Variants in BNC2 observed in about 807,000 individuals in gnomAD.
The protein encoded by BNC2 is zinc finger protein basonuclin-2.
Under a neutral mutation model 76.3 loss-of-function variants are expected in BNC2, and 20 were observed. The ratio of observed to expected loss-of-function variants is 0.26; its 90% confidence interval spans 0.18 to 0.38. The LOEUF is 0.38. Ranked by LOEUF, BNC2 falls within the 10% of genes least tolerant of loss-of-function variation. The pLI is 1.00. For missense variants in BNC2, 1,382 were observed against 1,399.8 expected (o/e 0.99, Z 0.20); for synonymous variants, 582 against 514.8 (o/e 1.13, Z -1.77).
chr9:16,472,332 G>A (rs1379151523), intron 5 of BNC2, among the ~76,000 whole-genome samples: 1 of 152,178 alleles, frequency 6.6e-6, no homozygotes, highest in Non-Finnish European at 1.5e-5. Flanking sequence ...GGGGTAAATA[G>A]AAAAGCTGGT....
intron 5 of BNC2, among the ~76,000 whole-genome samples, chr9:16,499,530 CTTTTTTTTTTTT>C (rs763681726): frequency 7.9e-6 from 1 of 127,110 alleles, no homozygotes; most frequent in African/African-American, 2.9e-5. Context: ...CTTTTTTTTT[CTTTTTTTTTTTT>C]TTTTTGAGAC....
At chr9:16,538,304 A>G (rs144360383) in intron 5 of BNC2, among the ~76,000 whole-genome samples, 7 of 152,330 alleles carry the variant, frequency 4.6e-5, no homozygotes, top group Middle Eastern at 3.4e-3. Flanking sequence ...AATTCTATGT[A>G]CTGAGTGAAG....
intron 1 of BNC2, among the ~76,000 whole-genome samples, chr9:16,800,393 G>A (rs376002856): frequency 7.1e-4 from 108 of 152,174 alleles, no homozygotes; most frequent in African/African-American, 2.5e-3. Context: ...GGAGCACAGC[G>A]TCTGTCCTCT....
chr9:16,700,744 G>T (rs1042312726), intron 3 of BNC2, among the ~76,000 whole-genome samples: 1 of 152,096 alleles, frequency 6.6e-6, no homozygotes, highest in African/African-American at 2.4e-5. Flanking sequence ...TGGATCACCT[G>T]AAGTCCAGAG....
chr9:16,840,720 G>T (rs922123895), intron 1 of BNC2, among the ~76,000 whole-genome samples: 2 of 152,128 alleles, frequency 1.3e-5, no homozygotes, highest in African/African-American at 4.8e-5. Flanking sequence ...CAGAAACCAA[G>T]TACAATGTTT....
intron 3 of BNC2, among the ~76,000 whole-genome samples, chr9:16,687,448 G>A (rs750289145): frequency 1.3e-5 from 2 of 152,132 alleles, no homozygotes; most frequent in Non-Finnish European, 2.9e-5. Flanking sequence ...GTGCATTTGT[G>A]TTGTGTCACA....
At chr9:16,681,511 G>A (rs1466082311) in intron 3 of BNC2, among the ~76,000 whole-genome samples, 4 of 152,116 alleles carry the variant, frequency 2.6e-5, no homozygotes. Flanking sequence ...TTTGTCAATA[G>A]CTGGAAAGAG....
chr9:16,753,647 G>C (rs546127204), intron 1 of BNC2, among the ~76,000 whole-genome samples: 3 of 152,086 alleles, frequency 2.0e-5, no homozygotes, highest in African/African-American at 4.8e-5. Context: ...TGTACAGCTG[G>C]ATCCAATATT....
chr9:16,495,911 CT>C (rs61004769), intron 5 of BNC2, among the ~76,000 whole-genome samples: 306 of 142,712 alleles, frequency 2.1e-3, no homozygotes, highest in Non-Finnish European at 2.4e-3. Flanking sequence ...TTTTCTTTTT[CT>C]TTTTTTTTTT....
chr9:16,438,458 A>G (rs975691581), intron 5 of BNC2, among the ~76,000 whole-genome samples: 7 of 152,254 alleles, frequency 4.6e-5, no homozygotes, highest in African/African-American at 1.7e-4. Context: ...AAAGCATTTC[A>G]CACTTTCATT....
At chr9:16,655,845 C>T (rs2133992037) in intron 3 of BNC2, among the ~76,000 whole-genome samples, 1 of 152,308 alleles carries the variant, frequency 6.6e-6, no homozygotes, top group African/African-American at 2.4e-5. Flanking sequence ...CACAGTCAGG[C>T]AGCAAAGAAC....
rs774762974 is a variant in BNC2, at chr9:16,419,502, G to C, written c.2787C>G (p.Leu929=). 1.2e-6 allele frequency: 2 copies of C among 1,614,090 alleles called. No homozygotes were observed. The highest frequency in any genetic ancestry group is 1.7e-6 in the Non-Finnish European group (2 of 1,180,008). The change falls in exon 7 of 7, where the codon CTC becomes CTG. Residue 929 remains leucine (L), a synonymous_variant. Coordinates refer to ENST00000380672, the MANE Select transcript of BNC2 (RefSeq NM_017637.6). ...KIYGAQHPMG[L]DVREDASSPA... ...GAGAGGAGGCGTCTTCCCTGACATC[G>C]AGCCCCATGGGGTGCTGGGCACCAT... is the stretch of plus-strand genomic sequence containing the variant.
chr9:16,863,279 T>C (rs1819457775), intron 1 of BNC2, among the ~76,000 whole-genome samples: 1 of 152,162 alleles, frequency 6.6e-6, no homozygotes, highest in South Asian at 2.1e-4. Context: ...AGCCCTAGGA[T>C]AGGATAGCTG....
intron 3 of BNC2, among the ~76,000 whole-genome samples, chr9:16,640,055 T>A (rs1411955367): frequency 2.0e-5 from 3 of 151,960 alleles, no homozygotes; most frequent in Non-Finnish European, 4.4e-5. Flanking sequence ...CTTCTAAAGA[T>A]TATAAATAAA....
intron 3 of BNC2, among the ~76,000 whole-genome samples, chr9:16,665,434 AAAAGAAAGAAAGAAAGAAAGAAAG>A (rs56038950): frequency 0.052 from 6,053 of 115,608 alleles, 286 homozygotes; most frequent in Middle Eastern, 0.11. Context: ...GAAAGGAAAG[AAAAGAAAGAAAGAAAGAAAGAAAG>A]AAAGAAAGAA....
At chr9:16,656,911 A>C (rs1029016) in intron 3 of BNC2, among the ~76,000 whole-genome samples, 133,066 of 152,100 alleles carry the variant, frequency 0.87, 59,166 homozygotes, top group East Asian at 1. Flanking sequence ...GTTGCCATTT[A>C]AAATTGGGGA....
In BNC2 at chr9:16,672,273, G is replaced by A. The variant is rs541127258; in HGVS notation, c.330+55524C>T. 1.2e-3 allele frequency among the ~76,000 whole-genome samples: 178 copies of A among 152,144 alleles called. 2 individuals carry two copies. Among genetic ancestry groups the A allele is most frequent in the Non-Finnish European group, 1.9e-3 (129 of 68,032 alleles). ...AGCACTTTGGGAGGCCGAGGCGGGC[G>A]GATCACGAGGTCAGGAGATCCAGAC... On this transcript the variant is annotated intron_variant, in intron 3 of 6. Transcript: ENST00000380672.
chr9:16,833,184 C>T (rs1427498316), intron 1 of BNC2, among the ~76,000 whole-genome samples: 1 of 152,162 alleles, frequency 6.6e-6, no homozygotes, highest in Non-Finnish European at 1.5e-5. Flanking sequence ...ACCAATTTCG[C>T]TCCCTCCTCC....
intron 3 of BNC2, among the ~76,000 whole-genome samples, chr9:16,658,749 C>G (rs982324181): frequency 6.6e-6 from 1 of 152,188 alleles, no homozygotes; most frequent in African/African-American, 2.4e-5. Flanking sequence ...TACCAACTAT[C>G]CCAGAACAGA....
Sources: gnomAD v4.1 joint callset for allele counts (sites outside exome capture counted in the v4.1 genomes callset) on GRCh38, gnomAD v4.1.1 for gene constraint, MANE v1.5 for transcripts, NCBI Gene and HGNC (gene_info 2026-07-23, HGNC 2026-07-21) for gene names.